GALE: variants seen among roughly 807,000 people sequenced by gnomAD.
GALE encodes UDP-glucose 4-epimerase.
In GALE, 32 loss-of-function variants were observed where a neutral mutation model predicts 44.1. That is an observed-to-expected ratio of 0.73 (90% CI 0.55 to 0.97). The LOEUF is 0.97. Among genes scored for constraint, GALE ranks in the 50% least tolerant of loss-of-function variants. The pLI, the probability that GALE is intolerant of heterozygous loss-of-function variation, is 0.00. For synonymous variants in GALE, 182 were observed against 183.5 expected (o/e 0.99, Z 0.06); for missense variants, 423 against 455.6 (o/e 0.93, Z 0.65).
rs1319082870 is a variant in GALE, at chr1:23,797,778, G to A, written c.445C>T (p.Pro149Ser). The part of the protein sequence containing the change: ...PQYLPLDEAH[P>S]TGGCTNPYGK... ...TAAGGGTTGGTACAACCACCCGTGGGGTGGGCCTCATCAAGGGGCAGGTAC... is the reference window on the plus strand; with the variant it reads ...TAAGGGTTGGTACAACCACCCGTGGAGTGGGCCTCATCAAGGGGCAGGTAC... The change falls in exon 6 of 12, where the codon CCC becomes TCC. Residue 149 changes from proline (P) to serine (S), a missense_variant. Pro to Ser is a moderately conservative substitution (Grantham distance 74). Coordinates refer to ENST00000617979, the MANE Select transcript of GALE (RefSeq NM_001008216.2). 6 of 1,614,154 alleles carry A rather than the reference G, an allele frequency of 3.7e-6. No homozygotes were observed. The highest frequency in any genetic ancestry group is 1.3e-5 in the African/African-American group (1 of 75,048).
intron 1 of GALE, chr1:23,800,209 C>A: frequency 6.5e-6 from 1 of 152,676 alleles, no homozygotes; most frequent in South Asian, 2.0e-4. Context: ...GCAGCCCGGC[C>A]CTCTCCCCAG....
chr1:23,796,589 G>A lies in GALE; in HGVS notation c.796-3C>T. On this transcript the variant is annotated splice_region_variant and splice_polypyrimidine_tract_variant and intron_variant, in intron 9 of 11. Transcript: ENST00000617979. The surrounding 1 kb of genome is among the most constrained non-coding windows in gnomAD (Gnocchi z 5.2). ...GTGCCCGTGCCCAGGTTGTAGATCTGGCCCACGGAGAACAGGGTTTATGGA... is the reference window on the plus strand; with the variant it reads ...GTGCCCGTGCCCAGGTTGTAGATCTAGCCCACGGAGAACAGGGTTTATGGA... The A allele has an allele frequency of 1.9e-6, 3 of 1,613,918 alleles. No homozygotes were observed. The highest frequency in any genetic ancestry group is 2.5e-6 in the Non-Finnish European group (3 of 1,179,962).
chr1:23,796,480 G>C lies in GALE; in HGVS notation c.873+29C>G. On this transcript the variant is annotated intron_variant, in intron 10 of 11. Coordinates refer to ENST00000617979, the MANE Select transcript of GALE (RefSeq NM_001008216.2). This position sits in a 1 kb window ranked among gnomAD's most constrained non-coding sequence, Gnocchi z 5.2. The stretch of plus-strand genomic sequence containing the variant: ...GCTGAGAGCTGGGTGGGGTGAGGTG[G>C]GTGAGGTGGGTGGGGCGGGGGGGCC... The C allele has an allele frequency of 1.9e-6, 3 of 1,602,600 alleles. No homozygotes were observed. The highest frequency in any genetic ancestry group is 2.6e-6 in the Non-Finnish European group (3 of 1,173,584).
At position 23,796,485 on chromosome 1, in the gene GALE, G is replaced by C. The variant is rs765748025; in HGVS notation, c.873+24C>G. On this transcript the variant is annotated intron_variant, in intron 10 of 11. Coordinates refer to ENST00000617979, the MANE Select transcript of GALE (RefSeq NM_001008216.2). The surrounding 1 kb of genome is among the most constrained non-coding windows in gnomAD (Gnocchi z 5.2). ...GAGCTGGGTGGGGTGAGGTGGGTGA[G>C]GTGGGTGGGGCGGGGGGGCCTACCT... 1 of 1,607,096 alleles carries C rather than the reference G, an allele frequency of 6.2e-7. No homozygotes were observed. The highest frequency in any genetic ancestry group is 1.1e-5 in the South Asian group (1 of 90,826).
rs757083336 is a variant in GALE at position 23,798,079 on chromosome 1, A to C, written c.351+38T>G. On this transcript the variant is annotated intron_variant, in intron 5 of 11. Transcript: ENST00000617979. This position sits in a 1 kb window ranked among gnomAD's most constrained non-coding sequence, Gnocchi z 4.5. ...CTGCCAGGCTGGGGTCCAGCTGGAC[A>C]CCCTCCTAGTGTCTGTGCCCTGTCC... The C allele has an allele frequency of 3.7e-5, 57 of 1,524,604 alleles. No homozygotes were observed. Among genetic ancestry groups the C allele is most frequent in the Non-Finnish European group, 4.8e-5 (53 of 1,098,488 alleles). The allele number at this position is 1,524,604 out of a possible 1,614,324, so 94.4% of individuals were successfully genotyped here.
At position 23,796,473 on chromosome 1, in the gene GALE, T is replaced by G. The variant is rs1453113985; in HGVS notation, c.873+36A>C. 3.3e-4 allele frequency: 349 copies of G among 1,046,320 alleles called. 2 individuals carry two copies. Among genetic ancestry groups the G allele is most frequent in the Middle Eastern group, 4.1e-4 (1 of 2,452 alleles). The allele number at this position is 1,046,320 out of a possible 1,614,324, so 64.8% of individuals were successfully genotyped here. Reference sequence around the variant, plus strand: ...CTCTGTTGCTGAGAGCTGGGTGGGGTGAGGTGGGTGAGGTGGGTGGGGCGG... The same window carrying G: ...CTCTGTTGCTGAGAGCTGGGTGGGGGGAGGTGGGTGAGGTGGGTGGGGCGG... On this transcript the variant is annotated intron_variant, in intron 10 of 11. Coordinates refer to ENST00000617979, the MANE Select transcript of GALE (RefSeq NM_001008216.2). The surrounding 1 kb of genome is among the most constrained non-coding windows in gnomAD (Gnocchi z 5.2).
chr1:23,797,844 G>C lies in GALE; in HGVS notation c.379C>G (p.Leu127Val), dbSNP rs745339008. Residue 127 changes from leucine (L) to valine (V), a missense_variant, in exon 6 of 12, where the codon CTG becomes GTG. Transcript: ENST00000617979. ...ACAGTGGCTGAGCTGCTGAACACCA[G>C]GTTCTTCACCCCGTGGGCCTTCATG... ...EIMKAHGVKN[L>V]VFSSSATVYG... The C allele has an allele frequency of 1.2e-5, 20 of 1,614,090 alleles. No homozygotes were observed. Among genetic ancestry groups the C allele is most frequent in the South Asian group, 1.1e-5 (1 of 91,090 alleles).
Position 23,798,053 on chromosome 1 carries a change from C to A in GALE, c.351+64G>T, listed in dbSNP as rs1639015933. 1 of 1,425,620 alleles carries A rather than the reference C, an allele frequency of 7.0e-7. No homozygotes were observed. Among genetic ancestry groups the A allele is most frequent in the Non-Finnish European group, 9.9e-7 (1 of 1,007,986 alleles). 88.3% of individuals were successfully genotyped at this position (1,425,620 alleles called of 1,614,324 possible). The stretch of plus-strand genomic sequence containing the variant: ...AGCTTGGGCTCTGTGTTTGGCACTG[C>A]CTGCCAGGCTGGGGTCCAGCTGGAC... On this transcript the variant is annotated intron_variant, in intron 5 of 11. Transcript: ENST00000617979. This position sits in a 1 kb window ranked among gnomAD's most constrained non-coding sequence, Gnocchi z 4.5.
In GALE at chr1:23,798,524, T is replaced by C; in HGVS notation, c.237+91A>G. The stretch of plus-strand genomic sequence containing the variant: ...TTTCACTGTGTTGAGCAGGCTGGTC[T>C]TGAACACCTGGGCTCAAGTGATCTC... On this transcript the variant is annotated intron_variant, in intron 4 of 11. Transcript: ENST00000617979. The surrounding 1 kb of genome is among the most constrained non-coding windows in gnomAD (Gnocchi z 4.5). The C allele has an allele frequency of 1.0e-6, 1 of 953,130 alleles. No homozygotes were observed. Among genetic ancestry groups the C allele is most frequent in the Non-Finnish European group, 1.7e-6 (1 of 590,602 alleles). The allele number at this position is 953,130 out of a possible 1,614,324, so 59.0% of individuals were successfully genotyped here.
chr1:23,800,291 CCGCGCCT>C (rs1442566838), intron 1 of GALE: 2 of 152,982 alleles, frequency 1.3e-5, no homozygotes, highest in African/African-American at 2.4e-5. Flanking sequence ...CGCCCCCGCC[CCGCGCCT>C]GGCGCGGACC....
rs772813271 is a variant in GALE at position 23,798,912 on chromosome 1, G to C, written c.96C>G (p.Ile32Met). The C allele has an allele frequency of 1.2e-6, 2 of 1,614,134 alleles. No individual in the cohort carries two copies. The highest frequency in any genetic ancestry group is 2.2e-5 in the South Asian group (2 of 91,076). The stretch of plus-strand genomic sequence containing the variant: ...CACGGAAGGCATTATGGAAGTTATC[G>C]ATGACCACAGGCAAGTAGCCAGCCT... ...LLEAGYLPVV[I>M]DNFHNAFRGG... is the part of the protein sequence containing the mutation. The change falls in exon 3 of 12, where the codon ATC becomes ATG. Residue 32 changes from isoleucine (I) to methionine (M), a missense_variant. Ile to Met is a conservative substitution (Grantham distance 10). Coordinates refer to ENST00000617979, the MANE Select transcript of GALE (RefSeq NM_001008216.2). This position sits in a 1 kb window ranked among gnomAD's most constrained non-coding sequence, Gnocchi z 4.5.
rs1466666033 is a variant in GALE, at chr1:23,797,677, T to C, written c.528+18A>G. 14 of 1,612,692 alleles carry C rather than the reference T, an allele frequency of 8.7e-6. No homozygotes were observed. The highest frequency in any genetic ancestry group is 1.1e-5 in the Non-Finnish European group (13 of 1,178,982). ...CCATCGATCAGTGGAGCCAGGGCAC[T>C]GTCAAGGGGGCCCTCACCTTGTCTG... On this transcript the variant is annotated intron_variant, in intron 6 of 11. Transcript: ENST00000617979.
Position 23,795,835 on chromosome 1 carries a change from T to C in GALE, c.*114A>G. The C allele has an allele frequency of 9.6e-7, 1 of 1,046,082 alleles. No individual in the cohort carries two copies. The allele number at this position is 1,046,082 out of a possible 1,614,324, so 64.8% of individuals were successfully genotyped here. On this transcript the variant is annotated 3_prime_UTR_variant, in exon 12 of 12. Transcript: ENST00000617979. ...TGGGCTAAGCGGGCCCAGCTGGGGTTTGAGGTAGGGGAGGCCTTGGCTTGG... is the reference window on the plus strand; with the variant it reads ...TGGGCTAAGCGGGCCCAGCTGGGGTCTGAGGTAGGGGAGGCCTTGGCTTGG...
In GALE at chr1:23,796,952, G is replaced by A. The variant is rs1056301181; in HGVS notation, c.643-10C>T. On this transcript the variant is annotated splice_polypyrimidine_tract_variant and intron_variant, in intron 7 of 11. Coordinates refer to ENST00000617979, the MANE Select transcript of GALE (RefSeq NM_001008216.2). This position sits in a 1 kb window ranked among gnomAD's most constrained non-coding sequence, Gnocchi z 5.2. ...GTCGCCCGATCGCCACCTGGAGGTGGAGATCAGGTCAGTTCGTCCCAGATC... is the reference window on the plus strand; with the variant it reads ...GTCGCCCGATCGCCACCTGGAGGTGAAGATCAGGTCAGTTCGTCCCAGATC... The A allele has an allele frequency of 2.2e-5, 35 of 1,612,852 alleles. No individual in the cohort carries two copies. The highest frequency in any genetic ancestry group is 2.7e-5 in the Non-Finnish European group (32 of 1,179,464).
At chr1:23,800,331 C>G (rs1290816458) in intron 1 of GALE, 1 of 152,676 alleles carries the variant, frequency 6.5e-6, no homozygotes, top group Non-Finnish European at 1.5e-5. Context: ...GCAGAGAGGC[C>G]CTGGGAAGCA....
rs142686556 is a variant in GALE, at chr1:23,795,958, C to T, written c.1038G>A (p.Thr346=). The T allele has an allele frequency of 6.6e-5, 106 of 1,613,650 alleles. 1 individual carries two copies. The highest frequency in any genetic ancestry group is 4.7e-4 in the African/African-American group (35 of 75,050). The change falls in exon 12 of 12, where the codon ACG becomes ACA. Residue 346 remains threonine (T), a synonymous_variant. Coordinates refer to ENST00000617979, the MANE Select transcript of GALE (RefSeq NM_001008216.2). Reference sequence around the variant, plus strand: ...TGGTAGGGGAGGGTCCTCAGGCTTGCGTGCCAAAGCCTGAAGGATTCTGCT... The same window carrying T: ...TGGTAGGGGAGGGTCCTCAGGCTTGTGTGCCAAAGCCTGAAGGATTCTGCT... The part of the protein sequence containing the change: ...WQKQNPSGFG[T]QA
Position 23,796,358 on chromosome 1 carries a change from T to A in GALE, c.874-93A>T. 1 of 1,453,652 alleles carries A rather than the reference T, an allele frequency of 6.9e-7. No individual in the cohort carries two copies. Among genetic ancestry groups the A allele is most frequent in the Non-Finnish European group, 9.6e-7 (1 of 1,037,090 alleles). The allele number at this position is 1,453,652 out of a possible 1,614,324, so 90.0% of individuals were successfully genotyped here. On this transcript the variant is annotated intron_variant, in intron 10 of 11. Coordinates refer to ENST00000617979, the MANE Select transcript of GALE (RefSeq NM_001008216.2). This position sits in a 1 kb window ranked among gnomAD's most constrained non-coding sequence, Gnocchi z 5.2. The stretch of plus-strand genomic sequence containing the variant: ...AGAAGCAGAAGTGCAGAGCAGCGGC[T>A]GGCCCGCAGGCACCGGGTGCTAGGC...
At position 23,796,283 on chromosome 1, in the gene GALE, G is replaced by C; in HGVS notation, c.874-18C>G. 6.2e-7 allele frequency: 1 copy of C among 1,609,226 alleles called. No individual in the cohort carries two copies. On this transcript the variant is annotated intron_variant, in intron 10 of 11. Transcript: ENST00000617979. The surrounding 1 kb of genome is among the most constrained non-coding windows in gnomAD (Gnocchi z 5.2). Reference sequence around the variant, plus strand: ...TACGGGATCTGCAAGACAGGAGGTAGTTGGAGCTTAGCTGAGCCGGCCCTG... The same window carrying C: ...TACGGGATCTGCAAGACAGGAGGTACTTGGAGCTTAGCTGAGCCGGCCCTG...
At position 23,797,159 on chromosome 1, in the gene GALE, G is replaced by A. The variant is rs369293480; in HGVS notation, c.529-12C>T. Reference sequence around the variant, plus strand: ...ACTGCGTTCCAAGTCTGTGGGATGTGGGTCAGGTGGTGAGGCCAGAGGCAC... The same window carrying A: ...ACTGCGTTCCAAGTCTGTGGGATGTAGGTCAGGTGGTGAGGCCAGAGGCAC... On this transcript the variant is annotated splice_polypyrimidine_tract_variant and intron_variant, in intron 6 of 11. Coordinates refer to ENST00000617979, the MANE Select transcript of GALE (RefSeq NM_001008216.2). 1.4e-3 allele frequency: 2,301 copies of A among 1,587,088 alleles called. 10 individuals carry two copies. Among genetic ancestry groups the A allele is most frequent in the Non-Finnish European group, 1.3e-3 (1,492 of 1,162,764 alleles).
Sources: allele counts gnomAD v4.1 joint callset, GRCh38; gene constraint gnomAD v4.1.1; non-coding constraint Gnocchi (gnomAD v3.1); transcripts MANE v1.5; gene names NCBI Gene and HGNC (gene_info 2026-07-23, HGNC 2026-07-21).